Variants in TMEM117 observed in about 807,000 individuals in gnomAD.
TMEM117 encodes transmembrane protein 117.
In TMEM117, 27 loss-of-function variants were observed where a neutral mutation model predicts 52.4. That is an observed-to-expected ratio of 0.51 (90% CI 0.38 to 0.71). TMEM117 has a LOEUF of 0.71. TMEM117 is among the 30% of genes least tolerant of loss of function. The pLI is 0.00. For synonymous variants in TMEM117, 215 were observed against 206.3 expected (o/e 1.04, Z -0.36); for missense variants, 556 against 630.5 (o/e 0.88, Z 1.26).
At chr12:43,922,239 A>G (rs1944707061) in intron 2 of TMEM117, among the ~76,000 whole-genome samples, 1 of 152,064 alleles carries the variant, frequency 6.6e-6, no homozygotes, top group Admixed American at 6.6e-5. Context: ...ATACGCGTGC[A>G]GTGGGTTCTC....
chr12:43,865,243 A>G (rs942088168), intron 2 of TMEM117, among the ~76,000 whole-genome samples: 2 of 152,168 alleles, frequency 1.3e-5, no homozygotes, highest in Admixed American at 6.5e-5. Context: ...TGCAGTAAAG[A>G]CAGAGTTTGG....
At position 44,211,426 on chromosome 12, in the gene TMEM117, C is replaced by T. The variant is rs763042366; in HGVS notation, c.608+39C>T. ...TCACTTATTTATTTCTGCCTTGCCTCATTCACTGAAGGACTTTAGTTGGAT... is the reference window on the plus strand; with the variant it reads ...TCACTTATTTATTTCTGCCTTGCCTTATTCACTGAAGGACTTTAGTTGGAT... On this transcript the variant is annotated intron_variant, in intron 5 of 7. Coordinates refer to ENST00000266534, the MANE Select transcript of TMEM117 (RefSeq NM_032256.3). The T allele has an allele frequency of 1.1e-5, 16 of 1,437,434 alleles. 1 individual carries two copies. In the South Asian group the frequency reaches 1.2e-4, roughly 11 times the overall value. The allele number at this position is 1,437,434 out of a possible 1,614,324, so 89.0% of individuals were successfully genotyped here.
chr12:44,086,715 G>T (rs1947573636), intron 3 of TMEM117, among the ~76,000 whole-genome samples: 3 of 152,042 alleles, frequency 2.0e-5, no homozygotes, highest in Admixed American at 2.0e-4. Context: ...TTTGCAAGCA[G>T]CTCTTTCGCT....
chr12:44,237,164 T>G (rs1013813595), intron 5 of TMEM117, among the ~76,000 whole-genome samples: 4 of 152,100 alleles, frequency 2.6e-5, no homozygotes, highest in Admixed American at 6.6e-5. Context: ...TTGATCTGTT[T>G]CCTAGTTCCC....
At chr12:43,984,103 C>T (rs1371722999) in intron 3 of TMEM117, among the ~76,000 whole-genome samples, 2 of 152,054 alleles carry the variant, frequency 1.3e-5, no homozygotes, top group Admixed American at 1.3e-4. Flanking sequence ...TGGGGTGGCT[C>T]ACACCTGTAA....
At chr12:44,263,052 T>G (rs1950338327) in intron 5 of TMEM117, among the ~76,000 whole-genome samples, 1 of 152,242 alleles carries the variant, frequency 6.6e-6, no homozygotes, top group African/African-American at 2.4e-5. Context: ...CTGTGACTTT[T>G]CTTTTGCTAT....
intron 5 of TMEM117, among the ~76,000 whole-genome samples, chr12:44,274,730 C>G (rs1372184950): frequency 1.3e-5 from 2 of 151,984 alleles, no homozygotes; most frequent in African/African-American, 4.8e-5. Flanking sequence ...ATACATGGTG[C>G]TAGGAAAACT....
chr12:43,844,636 C>G lies in TMEM117; in HGVS notation c.-16C>G. On this transcript the variant is annotated 5_prime_UTR_variant, in exon 2 of 8. Transcript: ENST00000266534. ...TTTTCTTATACAGGTAAACTACGAA[C>G]TGGGAGTTCTGAAGAATGGGTAAAG... 6.2e-7 allele frequency: 1 copy of G among 1,608,684 alleles called. No individual in the cohort carries two copies. The highest frequency in any genetic ancestry group is 8.5e-7 in the Non-Finnish European group (1 of 1,177,894).
chr12:44,229,479 T>TG (rs1949906233), intron 5 of TMEM117, among the ~76,000 whole-genome samples: 1 of 152,078 alleles, frequency 6.6e-6, no homozygotes, highest in South Asian at 2.1e-4. Context: ...GAGGGGAACA[T>TG]GTGCTCATGG....
At chr12:43,955,547 C>A (rs1456100880) in intron 3 of TMEM117, among the ~76,000 whole-genome samples, 1 of 152,054 alleles carries the variant, frequency 6.6e-6, no homozygotes, top group Non-Finnish European at 1.5e-5. Context: ...TCACAATTGC[C>A]ACAAATGAAT....
At chr12:44,162,268 T>C (rs1948908247) in intron 4 of TMEM117, among the ~76,000 whole-genome samples, 1 of 152,178 alleles carries the variant, frequency 6.6e-6, no homozygotes, top group African/African-American at 2.4e-5. Flanking sequence ...ATAGTGTCCC[T>C]TCTTTAGGCC....
intron 5 of TMEM117, among the ~76,000 whole-genome samples, chr12:44,273,999 A>G (rs539591955): frequency 7.2e-5 from 11 of 152,278 alleles, no homozygotes; most frequent in Admixed American, 5.9e-4. Flanking sequence ...AGCGTGTCCA[A>G]ATTGGAATGG....
chr12:43,818,894 T>C, the TMEM117 span, among the ~76,000 whole-genome samples: 1 of 152,244 alleles, frequency 6.6e-6, no homozygotes, highest in East Asian at 1.9e-4. Context: ...TTTTTATTTC[T>C]TCCTATAACT....
At chr12:44,159,398 C>CTT (rs538773964) in intron 4 of TMEM117, among the ~76,000 whole-genome samples, 1 of 148,752 alleles carries the variant, frequency 6.7e-6, no homozygotes, top group African/African-American at 2.5e-5. Context: ...TCTTTAAAGA[C>CTT]TTTTTTTTTT....
At chr12:43,878,516 A>G (rs912300552) in intron 2 of TMEM117, among the ~76,000 whole-genome samples, 1 of 152,220 alleles carries the variant, frequency 6.6e-6, no homozygotes, top group Admixed American at 6.5e-5. Context: ...TTTTCTATTG[A>G]TAAGAGGAAG....
intron 2 of TMEM117, among the ~76,000 whole-genome samples, chr12:43,891,390 T>TTTTTTTTTTTTC (rs35541313): frequency 7.4e-6 from 1 of 135,966 alleles, no homozygotes; most frequent in Admixed American, 7.6e-5. Flanking sequence ...TTTTTTTTTT[T>TTTTTTTTTTTTC]GAGATGGAGT....
At chr12:44,122,492 C>A (rs1592536023) in intron 3 of TMEM117, among the ~76,000 whole-genome samples, 1 of 152,092 alleles carries the variant, frequency 6.6e-6, no homozygotes, top group African/African-American at 2.4e-5. Context: ...GTTTGCTGCA[C>A]AGATCATCCC....
At chr12:44,312,829 G>T (rs764443428) in intron 6 of TMEM117, among the ~76,000 whole-genome samples, 2 of 152,066 alleles carry the variant, frequency 1.3e-5, no homozygotes, top group African/African-American at 2.4e-5. Flanking sequence ...ATCTCATTGT[G>T]GTTTTGATTT....
intron 7 of TMEM117, among the ~76,000 whole-genome samples, chr12:44,380,802 T>C (rs1952009361): frequency 6.6e-6 from 1 of 152,192 alleles, no homozygotes; most frequent in Non-Finnish European, 1.5e-5. Flanking sequence ...TTCAGAAATG[T>C]TGGGTAGCTT....
Sources: allele counts gnomAD v4.1 joint callset (sites outside exome capture counted in the v4.1 genomes callset), GRCh38; gene constraint gnomAD v4.1.1; transcripts MANE v1.5; gene names NCBI Gene and HGNC (gene_info 2026-07-23, HGNC 2026-07-21).